The following INSYN2A variants were observed in gnomAD, a reference collection of about 807,000 sequenced individuals.
INSYN2A encodes family with sequence similarity 196 member A.
A neutral mutation model predicts 39.4 loss-of-function variants in INSYN2A; 17 were observed. That is an observed-to-expected ratio of 0.43 (90% CI 0.30 to 0.65). The LOEUF (loss-of-function observed/expected upper bound fraction) is 0.65, where lower values mean the gene tolerates loss of function less well. INSYN2A is among the 30% of genes least tolerant of loss of function. The pLI, the probability that INSYN2A is intolerant of heterozygous loss-of-function variation, is 0.14. For synonymous variants in INSYN2A, 255 were observed against 265.7 expected, an observed-to-expected ratio of 0.96 and a Z score of 0.39; for missense variants, 595 against 631.2, an observed-to-expected ratio of 0.94 and a Z score of 0.61.
Position 127,175,552 on chromosome 10 carries a change from A to G in INSYN2A, c.844T>C (p.Cys282Arg). The change falls in exon 4 of 6, where the codon TGC becomes CGC. Residue 282 changes from cysteine to arginine, a missense_variant. Coordinates refer to ENST00000522781, the MANE Select transcript of INSYN2A (RefSeq NM_001039762.3). The surrounding 1 kb of genome is among the most constrained non-coding windows in gnomAD (Gnocchi z 6.3). ...DSAAASQWSL[C>R]PADDERRRAT... is the part of the protein sequence containing the mutation. ...CTCCTCCGCTCGTCATCTGCCGGGC[A>G]GAGTGACCACTGGCTGGCGGCTGCA... 2 of 1,611,766 alleles carry G rather than the reference A, an allele frequency of 1.2e-6. No homozygotes were observed. Among genetic ancestry groups the G allele is most frequent in the Non-Finnish European group, 1.7e-6 (2 of 1,179,986 alleles).
Position 127,148,337 on chromosome 10 carries a change from T to A in INSYN2A, c.1256+5515A>T, listed in dbSNP as rs904564235. Among the ~76,000 whole-genome samples the A allele has an allele frequency of 3.3e-5, 5 of 152,310 alleles. No individual in the cohort carries two copies. The East Asian group carries it at 5.8e-4, about 18-fold the overall frequency. On this transcript the variant is annotated intron_variant, in intron 5 of 5. Coordinates refer to ENST00000522781, the MANE Select transcript of INSYN2A (RefSeq NM_001039762.3). ...GTCACTCAGGGCTTGCAACTGATGG[T>A]AGGAATTCTACCACTTGACGAGAAG...
In INSYN2A at chr10:127,196,437, G is replaced by A. The variant is rs2134178617; in HGVS notation, c.-835C>T. 6.7e-6 allele frequency among the ~76,000 whole-genome samples: 1 copy of A among 148,826 alleles called. No homozygotes were observed. The highest frequency in any genetic ancestry group is 1.5e-5 in the Non-Finnish European group (1 of 66,784). ...GAGATCTCAGAGCCAGGGCCAGGAGGCGGGGGCGGGGCAGAGGAGGGAGCA... is the reference window on the plus strand; with the variant it reads ...GAGATCTCAGAGCCAGGGCCAGGAGACGGGGGCGGGGCAGAGGAGGGAGCA... On this transcript the variant is annotated 5_prime_UTR_variant, in exon 1 of 6. Transcript: ENST00000522781.
chr10:127,181,668 C>T (rs527994959), intron 2 of INSYN2A, among the ~76,000 whole-genome samples: 2 of 152,240 alleles, frequency 1.3e-5, no homozygotes, highest in African/African-American at 4.8e-5. Flanking sequence ...CTTCCATATG[C>T]CAAGGGGGTG....
chr10:127,187,576 G>A (rs1355297849), intron 2 of INSYN2A, among the ~76,000 whole-genome samples: 1 of 152,078 alleles, frequency 6.6e-6, no homozygotes. Flanking sequence ...ATCCTGCCAC[G>A]TAGAAGAAAA....
chr10:127,162,727 T>C (rs2053694237), intron 4 of INSYN2A, among the ~76,000 whole-genome samples: 1 of 152,190 alleles, frequency 6.6e-6, no homozygotes, highest in African/African-American at 2.4e-5. Flanking sequence ...TAGACCTTAA[T>C]GGACTTTGCT....
At chr10:127,159,523 A>G (rs913281982) in intron 4 of INSYN2A, among the ~76,000 whole-genome samples, 3 of 152,190 alleles carry the variant, frequency 2.0e-5, no homozygotes, top group Admixed American at 2.0e-4. Flanking sequence ...ACACACATAC[A>G]TACCTTTGTA....
At chr10:127,188,338 G>A (rs927943246) in intron 2 of INSYN2A, among the ~76,000 whole-genome samples, 13 of 152,196 alleles carry the variant, frequency 8.5e-5, no homozygotes, top group Non-Finnish European at 5.9e-5. Flanking sequence ...CAAGTAAATT[G>A]TCACTGAGCA....
At chr10:127,145,051 G>C (rs200424401) in intron 5 of INSYN2A, among the ~76,000 whole-genome samples, 2 of 152,156 alleles carry the variant, frequency 1.3e-5, no homozygotes, top group East Asian at 3.9e-4. Context: ...AATGCATCTT[G>C]GATGTTTTCC....
At chr10:127,174,417 A>G (rs574953712) in intron 4 of INSYN2A, among the ~76,000 whole-genome samples, 1 of 152,330 alleles carries the variant, frequency 6.6e-6, no homozygotes, top group Admixed American at 6.5e-5. Context: ...AGGCTTCCGC[A>G]CTGGGGAGCT....
rs148332974 is a variant in INSYN2A, at chr10:127,139,049, C to G, written c.1257-1029G>C. On this transcript the variant is annotated intron_variant, in intron 5 of 5. Transcript: ENST00000522781. ...CTCCTTGGGACCTCTGCGTTCTGGGCCAGGCCTTGGGAGGATTCCGCTCTG... is the reference window on the plus strand; with the variant it reads ...CTCCTTGGGACCTCTGCGTTCTGGGGCAGGCCTTGGGAGGATTCCGCTCTG... 3.5e-3 allele frequency among the ~76,000 whole-genome samples: 529 copies of G among 152,278 alleles called. 1 individual carries two copies. Among genetic ancestry groups the G allele is most frequent in the Non-Finnish European group, 5.3e-3 (360 of 68,028 alleles).
At chr10:127,193,248 T>C (rs1392781288) in intron 1 of INSYN2A, among the ~76,000 whole-genome samples, 1 of 152,176 alleles carries the variant, frequency 6.6e-6, no homozygotes, top group East Asian at 1.9e-4. Flanking sequence ...AAAATGACGA[T>C]GACACTGGTT....
Position 127,175,274 on chromosome 10 carries a change from T to G in INSYN2A, c.1122A>C (p.Glu374Asp). Residue 374 changes from glutamate to aspartate, a missense_variant, in exon 4 of 6, where the codon GAA becomes GAC. Transcript: ENST00000522781. The surrounding 1 kb of genome is among the most constrained non-coding windows in gnomAD (Gnocchi z 6.3). Reference sequence around the variant, plus strand: ...TGACCCCCAAGAGCACTTTGATGGTTTCTTGGCTTGAACTGATCAAGTTCT... The same window carrying G: ...TGACCCCCAAGAGCACTTTGATGGTGTCTTGGCTTGAACTGATCAAGTTCT... The part of the protein sequence containing the change: ...MMENLISSSQ[E>D]TIKVLLGVIQ... The G allele has an allele frequency of 6.2e-7, 1 of 1,614,088 alleles. No individual in the cohort carries two copies.
At chr10:127,150,193 GACTCCT>G (rs2052351646) in intron 5 of INSYN2A, among the ~76,000 whole-genome samples, 2 of 152,160 alleles carry the variant, frequency 1.3e-5, no homozygotes, top group Admixed American at 1.3e-4. Context: ...CTGAATAGGT[GACTCCT>G]CCTGCCCAAG....
intron 4 of INSYN2A, among the ~76,000 whole-genome samples, chr10:127,162,756 C>T (rs2053697316): frequency 2.0e-5 from 3 of 152,342 alleles, no homozygotes; most frequent in Admixed American, 6.5e-5. Context: ...GCCGACATAA[C>T]GAGCCGGCCT....
In INSYN2A at chr10:127,137,822, C is replaced by G. The variant is rs371439920; in HGVS notation, c.*15G>C. 119 of 1,604,968 alleles carry G rather than the reference C, an allele frequency of 7.4e-5. No individual in the cohort carries two copies. Among genetic ancestry groups the G allele is most frequent in the Non-Finnish European group, 9.5e-5 (112 of 1,177,134 alleles). On this transcript the variant is annotated 3_prime_UTR_variant, in exon 6 of 6. Transcript: ENST00000522781. ...GGTTCTAAAGACGGCCTCGAGACTC[C>G]AGACACCGTGAGTGTTAAAGGAACC...
intron 4 of INSYN2A, among the ~76,000 whole-genome samples, chr10:127,160,295 G>T (rs2053484832): frequency 6.6e-6 from 1 of 152,198 alleles, no homozygotes; most frequent in Non-Finnish European, 1.5e-5. Context: ...TGATGTAAAT[G>T]TGCTGTTTTT....
At chr10:127,168,090 G>A (rs2054243791) in intron 4 of INSYN2A, among the ~76,000 whole-genome samples, 1 of 152,118 alleles carries the variant, frequency 6.6e-6, no homozygotes, top group South Asian at 2.1e-4. Flanking sequence ...GGTCCAGAGG[G>A]GTTAATAAGC....
Position 127,196,412 on chromosome 10 carries a change from G to A in INSYN2A, c.-810C>T, listed in dbSNP as rs1181715310. ...CTCATTTACTGCAATTGTCTTCGGC[G>A]AGATCTCAGAGCCAGGGCCAGGAGG... On this transcript the variant is annotated 5_prime_UTR_variant, in exon 1 of 6. Coordinates refer to ENST00000522781, the MANE Select transcript of INSYN2A (RefSeq NM_001039762.3). Among the ~76,000 whole-genome samples the A allele has an allele frequency of 2.0e-5, 3 of 148,604 alleles. No individual in the cohort carries two copies. Among genetic ancestry groups the A allele is most frequent in the Non-Finnish European group, 4.5e-5 (3 of 66,734 alleles).
chr10:127,148,362 G>A (rs895622728), intron 5 of INSYN2A, among the ~76,000 whole-genome samples: 3 of 152,218 alleles, frequency 2.0e-5, no homozygotes, highest in Non-Finnish European at 4.4e-5. Flanking sequence ...TTGACGAGAA[G>A]ATTCTAAATT....
Sources: gnomAD v4.1 joint callset for allele counts (sites outside exome capture counted in the v4.1 genomes callset) on GRCh38, gnomAD v4.1.1 for gene constraint, Gnocchi (gnomAD v3.1) non-coding constraint, MANE v1.5 for transcripts, NCBI Gene and HGNC (gene_info 2026-07-23, HGNC 2026-07-21) for gene names.